The following DCHS2 variants were observed in gnomAD, a reference collection of about 807,000 sequenced individuals.
The protein encoded by DCHS2 is protocadherin-23.
Under a neutral mutation model 182.4 loss-of-function variants are expected in DCHS2, and 142 were observed. That is an observed-to-expected ratio of 0.78 (90% CI 0.68 to 0.89). The LOEUF is 0.89. Ranked by LOEUF, DCHS2 falls within the 40% of genes least tolerant of loss-of-function variation. The pLI is 0.00. For synonymous variants in DCHS2, 1,740 were observed against 1,663.3 expected, an observed-to-expected ratio of 1.05 and a Z score of -1.12; for missense variants, 4,319 against 4,198.6, an observed-to-expected ratio of 1.03 and a Z score of -0.79.
chr4:154,409,930 C>G (rs1036439234), intron 1 of DCHS2, among the ~76,000 whole-genome samples: 8 of 152,180 alleles, frequency 5.3e-5, no homozygotes, highest in African/African-American at 1.4e-4. Flanking sequence ...GCTGAAGAAC[C>G]TGCACAGATG....
chr4:154,287,674 G>T (rs1363728280), intron 13 of DCHS2, among the ~76,000 whole-genome samples: 1 of 152,084 alleles, frequency 6.6e-6, no homozygotes, highest in Non-Finnish European at 1.5e-5. Context: ...GTAGAGATGG[G>T]TTTCATCATG....
At chr4:154,257,338 G>A (rs1046164470) in intron 15 of DCHS2, among the ~76,000 whole-genome samples, 5 of 152,198 alleles carry the variant, frequency 3.3e-5, no homozygotes, top group East Asian at 3.9e-4. Context: ...TAACCCAACC[G>A]GGGAGAGATG....
chr4:154,366,267 C>T lies in DCHS2; in HGVS notation c.2419G>A (p.Ala807Thr). Residue 807 changes from alanine to threonine, a missense_variant, in exon 3 of 20, where the codon GCT becomes ACT. Coordinates refer to ENST00000357232, the MANE Select transcript of DCHS2 (RefSeq NM_001358235.2). Reference protein sequence around the residue: ...DQDSGIYGTVAYELIPGNVSS... With the variant: ...DQDSGIYGTVTYELIPGNVSS... ...ACGTTTCCTGGAATAAGCTCATAAG[C>T]CACTGTCCCATATATCCCAGAGTCC... is the stretch of plus-strand genomic sequence containing the variant. 1 of 1,613,778 alleles carries T rather than the reference C, an allele frequency of 6.2e-7. No homozygotes were observed. The highest frequency in any genetic ancestry group is 8.5e-7 in the Non-Finnish European group (1 of 1,179,940).
chr4:154,426,344 T>C (rs1466661), intron 1 of DCHS2, among the ~76,000 whole-genome samples: 44,016 of 152,194 alleles, frequency 0.29, 7,934 homozygotes, highest in East Asian at 0.68. Context: ...TTGCCATCAG[T>C]TGGTGACAGT....
At position 154,306,276 on chromosome 4, in the gene DCHS2, A is replaced by G. The variant is rs146176739; in HGVS notation, c.5261-1045T>C. 6.9e-3 allele frequency among the ~76,000 whole-genome samples: 1,044 copies of G among 152,218 alleles called. 12 individuals are homozygous for G. The highest frequency in any genetic ancestry group is 0.024 in the African/African-American group (988 of 41,570). ...AGGCATTGGAATGACCCTGAGAAAA[A>G]AAGTCTAATAACATAGGACCAATGT... On this transcript the variant is annotated intron_variant, in intron 10 of 19. Coordinates refer to ENST00000357232, the MANE Select transcript of DCHS2 (RefSeq NM_001358235.2).
intron 10 of DCHS2, among the ~76,000 whole-genome samples, chr4:154,306,473 T>C (rs2201001): frequency 1.1e-3 from 168 of 152,196 alleles, no homozygotes; most frequent in African/African-American, 3.8e-3. Context: ...GTTGTTAAAA[T>C]TTGTTATTCC....
chr4:154,319,630 C>T (rs1220077576), intron 9 of DCHS2, among the ~76,000 whole-genome samples: 26 of 135,786 alleles, frequency 1.9e-4, no homozygotes, highest in Non-Finnish European at 3.5e-4. Flanking sequence ...CGAGATATTG[C>T]TTATACCTGT....
intron 3 of DCHS2, among the ~76,000 whole-genome samples, chr4:154,349,306 T>A (rs779545424): frequency 6.6e-6 from 1 of 152,170 alleles, no homozygotes; most frequent in Non-Finnish European, 1.5e-5. Context: ...ATTGGCTCAT[T>A]TGGGGGTTTG....
At chr4:154,452,262 C>T (rs1734564962) in intron 1 of DCHS2, among the ~76,000 whole-genome samples, 1 of 152,122 alleles carries the variant, frequency 6.6e-6, no homozygotes, top group Non-Finnish European at 1.5e-5. Flanking sequence ...TAGCATTAAG[C>T]CTCTAACAAA....
intron 1 of DCHS2, chr4:154,384,473 T>C: frequency 1.3e-6 from 2 of 1,584,984 alleles, no homozygotes; most frequent in South Asian, 1.1e-5. Flanking sequence ...ACTGACTGCT[T>C]GTAGGGGACT....
At chr4:154,299,505 A>G (rs2111286352) in intron 12 of DCHS2, among the ~76,000 whole-genome samples, 1 of 152,350 alleles carries the variant, frequency 6.6e-6, no homozygotes, top group African/African-American at 2.4e-5. Context: ...GATGAAGAGC[A>G]GGCCCAATAG....
chr4:154,240,618 C>T lies in DCHS2; in HGVS notation c.7278G>A (p.Val2426=). ...YELLIQISDS[V]HYTEGALVVR... is the part of the protein sequence containing the mutation. ...CTACAAGTGCTCCCTCTGTGTAGTG[C>T]ACTGAATCAGAAATTTGGATGAGCA... Residue 2426 remains valine (V), a synonymous_variant, in exon 18 of 20, where the codon GTG becomes GTA. Coordinates refer to ENST00000357232, the MANE Select transcript of DCHS2 (RefSeq NM_001358235.2). The T allele has an allele frequency of 1.2e-6, 2 of 1,613,938 alleles. No homozygotes were observed. The highest frequency in any genetic ancestry group is 1.7e-6 in the Non-Finnish European group (2 of 1,179,912).
At position 154,315,972 on chromosome 4, in the gene DCHS2, G is replaced by A; in HGVS notation, c.5036C>T (p.Thr1679Ile). 6 of 1,613,898 alleles carry A rather than the reference G, an allele frequency of 3.7e-6. No individual in the cohort carries two copies. Among genetic ancestry groups the A allele is most frequent in the Non-Finnish European group, 5.1e-6 (6 of 1,179,862 alleles). ...LDESSGLLTT[T>I]CPLDYEMKTQ... is the part of the protein sequence containing the mutation. ...TTTCATTTCATAATCCAAAGGACAG[G>A]TTGTGGTTAGTAAGCCTGTTTTGAA... The change falls in exon 10 of 20, where the codon ACC (threonine) becomes ATC (isoleucine). Residue 1679 changes from threonine (T) to isoleucine (I), a missense_variant. Coordinates refer to ENST00000357232, the MANE Select transcript of DCHS2 (RefSeq NM_001358235.2).
At chr4:154,425,882 T>G (rs772794546) in intron 1 of DCHS2, among the ~76,000 whole-genome samples, 1 of 152,126 alleles carries the variant, frequency 6.6e-6, no homozygotes, top group Non-Finnish European at 1.5e-5. Context: ...GGCAAAAAAA[T>G]GAGGAAGAAT....
At chr4:154,391,618 C>T (rs1731709903) in intron 1 of DCHS2, among the ~76,000 whole-genome samples, 1 of 152,150 alleles carries the variant, frequency 6.6e-6, no homozygotes. Context: ...GCCAGCCAAC[C>T]TCATCTGACA....
chr4:154,253,976 T>G (rs2111150011), intron 16 of DCHS2, among the ~76,000 whole-genome samples: 1 of 152,328 alleles, frequency 6.6e-6, no homozygotes, highest in East Asian at 1.9e-4. Flanking sequence ...AGCTCTACAG[T>G]GGAAAGACTG....
intron 12 of DCHS2, among the ~76,000 whole-genome samples, chr4:154,299,601 C>A (rs1358850070): frequency 1.3e-5 from 2 of 152,054 alleles, no homozygotes; most frequent in Admixed American, 1.3e-4. Flanking sequence ...CAATAGGTAG[C>A]TTTAGGGAGG....
In DCHS2 at chr4:154,488,919, T is replaced by TAG. The variant is rs1447724300; in HGVS notation, c.2052+384_2052+385insCT. Among the ~76,000 whole-genome samples the TAG allele has an allele frequency of 1.9e-4, 28 of 151,066 alleles. 1 individual carries two copies. In the East Asian group the frequency reaches 4.7e-3, roughly 25 times the overall value. ...GTGTGTGTCTGTGTGTGTGTGTGTG[T>TAG]GTGTGTGTGTGTGTATACATGTATT... On this transcript the variant is annotated intron_variant, in intron 1 of 19. Coordinates refer to ENST00000357232, the MANE Select transcript of DCHS2 (RefSeq NM_001358235.2).
At chr4:154,398,819 C>A (rs1732037516) in intron 1 of DCHS2, among the ~76,000 whole-genome samples, 1 of 152,172 alleles carries the variant, frequency 6.6e-6, no homozygotes, top group Non-Finnish European at 1.5e-5. Context: ...GAGTCTAAAT[C>A]TGCATAAGCA....
Sources: gnomAD v4.1 joint callset for allele counts (sites outside exome capture counted in the v4.1 genomes callset) on GRCh38, gnomAD v4.1.1 for gene constraint, MANE v1.5 for transcripts, NCBI Gene and HGNC (gene_info 2026-07-23, HGNC 2026-07-21) for gene names.